SOX6: variants seen among roughly 807,000 people sequenced by gnomAD.
SOX6 encodes the protein transcription factor SOX-6.
In SOX6, 11 loss-of-function variants were observed where a neutral mutation model predicts 97.8. The ratio of observed to expected loss-of-function variants is 0.11; its 90% confidence interval spans 0.07 to 0.19. SOX6 has a LOEUF of 0.19. Ranked by LOEUF, SOX6 falls within the 10% of genes least tolerant of loss-of-function variation. The probability of loss-of-function intolerance (pLI) is 1.00; values close to 1 mark genes in which losing one functional copy is unlikely to be tolerated. For synonymous variants in SOX6, 360 were observed against 371.4 expected, an observed-to-expected ratio of 0.97 and a Z score of 0.35; for missense variants, 810 against 1,039.5, an observed-to-expected ratio of 0.78 and a Z score of 3.04.
chr11:16,684,211 C>T (rs573115997), intron 3 of SOX6, among the ~76,000 whole-genome samples: 124 of 152,262 alleles, frequency 8.1e-4, no homozygotes, highest in Non-Finnish European at 1.1e-3. Context: ...TACCATTTGA[C>T]CCAGTGATCC....
intron 1 of SOX6, among the ~76,000 whole-genome samples, chr11:16,388,028 A>T (rs1339751769): frequency 1.3e-5 from 2 of 152,176 alleles, no homozygotes; most frequent in Admixed American, 6.5e-5. Context: ...TATCTTGGGA[A>T]GAAAGCATTC....
chr11:16,383,740 A>G (rs929407947), intron 1 of SOX6, among the ~76,000 whole-genome samples: 1 of 152,016 alleles, frequency 6.6e-6, no homozygotes, highest in Non-Finnish European at 1.5e-5. Flanking sequence ...ACAACAAAAG[A>G]GAAGCCTATA....
intron 4 of SOX6, among the ~76,000 whole-genome samples, chr11:16,496,493 C>A (rs1590223284): frequency 6.6e-6 from 1 of 152,170 alleles, no homozygotes; most frequent in Non-Finnish European, 1.5e-5. Context: ...GTGCAATGCA[C>A]CGAGCATGAG....
At chr11:16,320,583 A>G (rs1213684766) in intron 2 of SOX6, among the ~76,000 whole-genome samples, 2 of 152,112 alleles carry the variant, frequency 1.3e-5, no homozygotes, top group East Asian at 3.9e-4. Flanking sequence ...TAACTGGTAG[A>G]TACTATTTCT....
intron 1 of SOX6, among the ~76,000 whole-genome samples, chr11:16,344,035 C>A (rs951947186): frequency 6.6e-6 from 1 of 151,916 alleles, no homozygotes; most frequent in Non-Finnish European, 1.5e-5. Context: ...GTTTTGAAAT[C>A]CCTTTCCTTA....
chr11:16,640,251 G>A (rs1247859499), intron 3 of SOX6, among the ~76,000 whole-genome samples: 1 of 152,110 alleles, frequency 6.6e-6, no homozygotes, highest in Non-Finnish European at 1.5e-5. Flanking sequence ...TGCATCCCAG[G>A]GATAAAGCCC....
chr11:15,996,520 T>C (rs1419698999), intron 13 of SOX6, among the ~76,000 whole-genome samples: 1 of 152,068 alleles, frequency 6.6e-6, no homozygotes, highest in East Asian at 1.9e-4. Flanking sequence ...TTCCAGCTAC[T>C]CAGGAGGCTG....
chr11:16,415,491 T>C (rs1408831510), intron 1 of SOX6, among the ~76,000 whole-genome samples: 1 of 152,140 alleles, frequency 6.6e-6, no homozygotes, highest in Non-Finnish European at 1.5e-5. Context: ...TCTAGTTTTC[T>C]ACAGCATTGA....
intron 1 of SOX6, among the ~76,000 whole-genome samples, chr11:16,452,590 A>G (rs1297597640): frequency 6.6e-6 from 1 of 152,186 alleles, no homozygotes; most frequent in Non-Finnish European, 1.5e-5. Context: ...AAACAAAAAA[A>G]TCTGTAGTGC....
chr11:16,612,843 C>A (rs1848415898), intron 3 of SOX6, among the ~76,000 whole-genome samples: 1 of 152,122 alleles, frequency 6.6e-6, no homozygotes, highest in African/African-American at 2.4e-5. Flanking sequence ...GGGAACCTTA[C>A]CTGCAGCACC....
chr11:16,018,092 T>C (rs1013304917), intron 12 of SOX6, among the ~76,000 whole-genome samples: 3 of 152,118 alleles, frequency 2.0e-5, no homozygotes, highest in Non-Finnish European at 4.4e-5. Context: ...AATTATGATG[T>C]ATGAGGTAGA....
At chr11:16,641,489 T>C (rs1848913201) in intron 3 of SOX6, among the ~76,000 whole-genome samples, 1 of 152,148 alleles carries the variant, frequency 6.6e-6, no homozygotes, top group Non-Finnish European at 1.5e-5. Flanking sequence ...TTGATCTGTC[T>C]AATGTTGACA....
chr11:16,736,006 T>C (rs1445235633), intron 2 of SOX6, among the ~76,000 whole-genome samples: 2 of 152,124 alleles, frequency 1.3e-5, no homozygotes, highest in Non-Finnish European at 2.9e-5. Context: ...TTTAAAAAAA[T>C]GTAAAGTTCT....
intron 1 of SOX6, among the ~76,000 whole-genome samples, chr11:16,393,628 C>T (rs961606925): frequency 2.6e-5 from 4 of 152,012 alleles, no homozygotes; most frequent in Admixed American, 2.6e-4. Context: ...TTCTTTTAAG[C>T]CCACACCTGT....
chr11:16,049,647 T>C (rs1390186798), intron 11 of SOX6, 108 bp downstream of exon 11: 7 of 1,294,378 alleles, frequency 5.4e-6, no homozygotes, highest in Non-Finnish European at 6.5e-6. Context: ...AAGAGTATTA[T>C]CTTTTACTAA....
intron 1 of SOX6, among the ~76,000 whole-genome samples, chr11:16,383,796 G>A (rs1857896937): frequency 6.6e-6 from 1 of 151,928 alleles, no homozygotes; most frequent in South Asian, 2.1e-4. Flanking sequence ...ACAGCCCATA[G>A]CCAAATAGAA....
chr11:16,002,171 G>T (rs191550920), intron 13 of SOX6, among the ~76,000 whole-genome samples: 2 of 152,282 alleles, frequency 1.3e-5, no homozygotes, highest in African/African-American at 2.4e-5. Flanking sequence ...CCGGAGTGGC[G>T]CAGGAGTTAT....
Position 16,096,006 on chromosome 11 carries a change from T to C in SOX6, c.1091A>G (p.Lys364Arg). 2.5e-6 allele frequency: 4 copies of C among 1,611,516 alleles called. No individual in the cohort carries two copies. Among genetic ancestry groups the C allele is most frequent in the Non-Finnish European group, 3.4e-6 (4 of 1,178,414 alleles). The change falls in exon 9 of 16, where the codon AAA becomes AGA. Residue 364 changes from lysine to arginine, a missense_variant. Lys to Arg is a conservative substitution (Grantham distance 26, BLOSUM62 2). Coordinates refer to ENST00000683767, the MANE Select transcript of SOX6 (RefSeq NM_001367873.1). ...EHGGGHSYNH[K>R]QIEQLYAAQL... The stretch of plus-strand genomic sequence containing the variant: ...TGGAAGCATTCATACCTCAATCTGT[T>C]TGTGGTTGTAAGAGTGGCCACCACC...
At chr11:16,376,853 T>C (rs570609452) in intron 1 of SOX6, among the ~76,000 whole-genome samples, 78 of 151,504 alleles carry the variant, frequency 5.1e-4, no homozygotes, top group African/African-American at 1.8e-3. Flanking sequence ...ACTCACTAAA[T>C]TTAAGAGAAG....
Sources: gnomAD v4.1 joint callset for allele counts (sites outside exome capture counted in the v4.1 genomes callset) on GRCh38, gnomAD v4.1.1 for gene constraint, MANE v1.5 for transcripts, NCBI Gene and HGNC (gene_info 2026-07-23, HGNC 2026-07-21) for gene names.